Variants in TYR observed in about 807,000 individuals in gnomAD.
The protein encoded by TYR is LB24-AB.
A neutral mutation model predicts 51.5 loss-of-function variants in TYR; 58 were observed. The observed-to-expected ratio is 1.13, with a 90% confidence interval of 0.91 to 1.40. TYR has a LOEUF of 1.40. TYR is among the 40% of genes most tolerant of loss of function. The probability of loss-of-function intolerance (pLI) is 0.00; values close to 1 mark genes in which losing one functional copy is unlikely to be tolerated. For missense variants in TYR, 732 were observed against 647.4 expected (o/e 1.13, Z -1.42); for synonymous variants, 263 against 235.2 (o/e 1.12, Z -1.08).
intron 2 of TYR, among the ~76,000 whole-genome samples, chr11:89,213,818 C>A (rs1282044630): frequency 1.3e-5 from 2 of 152,100 alleles, no homozygotes; most frequent in African/African-American, 2.4e-5. Context: ...CTTTCACAAA[C>A]CTGACAAAAA....
At chr11:89,253,295 T>C (rs1944351252) in intron 3 of TYR, among the ~76,000 whole-genome samples, 1 of 151,760 alleles carries the variant, frequency 6.6e-6, no homozygotes. Context: ...TTTTCAAATA[T>C]CTGTTTTTAT....
chr11:89,276,211 GA>G, intron 3 of TYR, among the ~76,000 whole-genome samples: 1 of 151,864 alleles, frequency 6.6e-6, no homozygotes, highest in South Asian at 2.1e-4. Flanking sequence ...CCCTCACAGT[GA>G]AAGAAAAAAG....
chr11:89,279,847 T>C (rs1316423162), intron 3 of TYR, among the ~76,000 whole-genome samples: 1 of 151,792 alleles, frequency 6.6e-6, no homozygotes, highest in African/African-American at 2.4e-5. Flanking sequence ...AGTCACTGTG[T>C]GCATCTCATA....
intron 3 of TYR, among the ~76,000 whole-genome samples, chr11:89,270,421 TCA>T (rs915265515): frequency 6.6e-6 from 1 of 151,914 alleles, no homozygotes; most frequent in Admixed American, 6.6e-5. Context: ...CTGCTGGCAT[TCA>T]CACTGTACTG....
intron 2 of TYR, among the ~76,000 whole-genome samples, chr11:89,223,437 G>T (rs1943938221): frequency 6.6e-6 from 1 of 151,920 alleles, no homozygotes; most frequent in African/African-American, 2.4e-5. Flanking sequence ...TAAACTCTAT[G>T]AAAAGATAAA....
chr11:89,184,310 C>A (rs1318780584), intron 1 of TYR, among the ~76,000 whole-genome samples: 1 of 152,068 alleles, frequency 6.6e-6, no homozygotes, highest in Non-Finnish European at 1.5e-5. Context: ...GCAGCAGGAT[C>A]TTTTGAAAAT....
intron 2 of TYR, among the ~76,000 whole-genome samples, chr11:89,215,999 A>G (rs1477118628): frequency 6.6e-6 from 1 of 152,220 alleles, no homozygotes; most frequent in East Asian, 1.9e-4. Context: ...TTTATACAAC[A>G]TACTAGGATT....
Position 89,178,652 on chromosome 11 carries a change from T to C in TYR, c.699T>C (p.Ile233=), listed in dbSNP as rs1460723498. Residue 233 remains isoleucine (I), a synonymous_variant, in exon 1 of 5, where the codon ATT becomes ATC. Transcript: ENST00000263321. ...TGACAGGAGATGAAAACTTCACTAT[T>C]CCATATTGGGACTGGCGGGATGCAG... The part of the protein sequence containing the change: ...QKLTGDENFT[I]PYWDWRDAEK... 1.2e-6 allele frequency: 2 copies of C among 1,613,384 alleles called. No individual in the cohort carries two copies. Among genetic ancestry groups the C allele is most frequent in the Non-Finnish European group, 1.7e-6 (2 of 1,179,508 alleles).
At chr11:89,228,509 G>C (rs1565405310) in intron 3 of TYR, among the ~76,000 whole-genome samples, 1 of 152,192 alleles carries the variant, frequency 6.6e-6, no homozygotes, top group East Asian at 1.9e-4. Context: ...AACTGCTATA[G>C]GAATTTAAGG....
intron 3 of TYR, among the ~76,000 whole-genome samples, chr11:89,275,129 A>C (rs1450192269): frequency 2.0e-5 from 3 of 151,824 alleles, no homozygotes; most frequent in Non-Finnish European, 2.9e-5. Context: ...GGGATAAATC[A>C]TATGTCTTTA....
At chr11:89,280,558 A>ATT (rs1329545020) in intron 3 of TYR, among the ~76,000 whole-genome samples, 2 of 151,356 alleles carry the variant, frequency 1.3e-5, no homozygotes, top group African/African-American at 4.8e-5. Flanking sequence ...TCTATTAGAA[A>ATT]TGTTATTCTA....
At chr11:89,203,830 G>A (rs541644076) in intron 2 of TYR, among the ~76,000 whole-genome samples, 28 of 152,266 alleles carry the variant, frequency 1.8e-4, no homozygotes, top group African/African-American at 6.3e-4. Flanking sequence ...AAAGAAAGGT[G>A]CAGAAAAGTT....
At chr11:89,269,369 T>G (rs1944562983) in intron 3 of TYR, among the ~76,000 whole-genome samples, 1 of 151,938 alleles carries the variant, frequency 6.6e-6, no homozygotes. Flanking sequence ...CTCATTTTAT[T>G]TGAGTGCAAT....
At chr11:89,225,385 A>G (rs1194960824) in intron 2 of TYR, among the ~76,000 whole-genome samples, 1 of 151,806 alleles carries the variant, frequency 6.6e-6, no homozygotes, top group African/African-American at 2.4e-5. Context: ...TATTCCTCCT[A>G]TCTAACAAAA....
At chr11:89,198,754 C>CATAT (rs144458836) in intron 2 of TYR, among the ~76,000 whole-genome samples, 12 of 146,394 alleles carry the variant, frequency 8.2e-5, no homozygotes, top group African/African-American at 2.4e-4. Flanking sequence ...ACTTTTTTCT[C>CATAT]ATATATATAT....
chr11:89,214,348 G>C (rs1464957145), intron 2 of TYR, among the ~76,000 whole-genome samples: 2 of 152,194 alleles, frequency 1.3e-5, no homozygotes, highest in African/African-American at 4.8e-5. Context: ...TCTCATGCCT[G>C]TTAGAATGGC....
At chr11:89,237,877 C>G (rs938795601) in intron 3 of TYR, among the ~76,000 whole-genome samples, 1 of 151,434 alleles carries the variant, frequency 6.6e-6, no homozygotes, top group South Asian at 2.1e-4. Context: ...ACTCTGTCAC[C>G]CAGACTGGAG....
At chr11:89,181,402 T>C (rs970602793) in intron 1 of TYR, among the ~76,000 whole-genome samples, 8 of 152,214 alleles carry the variant, frequency 5.3e-5, no homozygotes, top group Non-Finnish European at 1.2e-4. Flanking sequence ...GAGATTGTTT[T>C]GGTATCTTTT....
intron 2 of TYR, among the ~76,000 whole-genome samples, chr11:89,201,027 G>A (rs1037089158): frequency 1.3e-5 from 2 of 152,066 alleles, no homozygotes; most frequent in Non-Finnish European, 2.9e-5. Flanking sequence ...TTGGTCATTT[G>A]TAAAATACTC....
Sources: gnomAD v4.1 joint callset for allele counts (sites outside exome capture counted in the v4.1 genomes callset) on GRCh38, gnomAD v4.1.1 for gene constraint, MANE v1.5 for transcripts, NCBI Gene and HGNC (gene_info 2026-07-23, HGNC 2026-07-21) for gene names.